Variants in BBS9 observed in about 807,000 individuals in gnomAD.
BBS9 encodes the protein protein PTHB1.
A neutral mutation model predicts 117.7 loss-of-function variants in BBS9; 89 were observed. That is an observed-to-expected ratio of 0.76 (90% CI 0.64 to 0.90). BBS9 has a LOEUF of 0.90. BBS9 is among the 40% of genes least tolerant of loss of function. The pLI, the probability that BBS9 is intolerant of heterozygous loss-of-function variation, is 0.00. For missense variants in BBS9, 982 were observed against 1,042.2 expected (o/e 0.94, Z 0.80); for synonymous variants, 379 against 370.9 (o/e 1.02, Z -0.25).
At chr7:33,205,560 G>A (rs1362908541) in intron 5 of BBS9, among the ~76,000 whole-genome samples, 2 of 152,070 alleles carry the variant, frequency 1.3e-5, no homozygotes, top group Non-Finnish European at 2.9e-5. Context: ...CTGACTTCAG[G>A]TACAAGGATA....
At chr7:33,137,396 A>T (rs2128066468) in intron 1 of BBS9, among the ~76,000 whole-genome samples, 1 of 152,254 alleles carries the variant, frequency 6.6e-6, no homozygotes, top group East Asian at 1.9e-4. Flanking sequence ...CCAGGAGCGC[A>T]GGGCTCCTGG....
intron 9 of BBS9, among the ~76,000 whole-genome samples, chr7:33,284,430 A>G (rs1802497798): frequency 6.6e-6 from 1 of 152,188 alleles, no homozygotes; most frequent in South Asian, 2.1e-4. Context: ...TGTTGTAGGT[A>G]ATCAGTTCTT....
At chr7:33,408,037 G>A in intron 19 of BBS9, among the ~76,000 whole-genome samples, 1 of 152,244 alleles carries the variant, frequency 6.6e-6, no homozygotes, top group Non-Finnish European at 1.5e-5. Flanking sequence ...CCTGCCCCCA[G>A]AGGTGGAGCC....
intron 19 of BBS9, among the ~76,000 whole-genome samples, chr7:33,491,914 G>A (rs778021349): frequency 8.6e-5 from 13 of 151,888 alleles, no homozygotes; most frequent in Non-Finnish European, 1.8e-4. Context: ...TAAAGGATAT[G>A]TTGGGCTGGG....
intron 19 of BBS9, among the ~76,000 whole-genome samples, chr7:33,470,814 C>T (rs922932796): frequency 1.3e-5 from 2 of 152,190 alleles, no homozygotes; most frequent in Admixed American, 6.5e-5. Flanking sequence ...GAGACCTGGG[C>T]AGCTAAATGG....
chr7:33,621,501 C>A (rs1046669465), intron 21 of BBS9, among the ~76,000 whole-genome samples: 7 of 152,098 alleles, frequency 4.6e-5, no homozygotes, highest in African/African-American at 7.2e-5. Context: ...TCACCTCACA[C>A]CTTTTAGAAT....
At chr7:33,617,308 A>G (rs1865189667) in intron 21 of BBS9, among the ~76,000 whole-genome samples, 1 of 152,146 alleles carries the variant, frequency 6.6e-6, no homozygotes, top group Admixed American at 6.6e-5. Context: ...CCATAACACT[A>G]ATCAAAAGAA....
intron 21 of BBS9, among the ~76,000 whole-genome samples, chr7:33,558,541 T>C (rs1221673951): frequency 6.6e-6 from 1 of 152,180 alleles, no homozygotes; most frequent in Non-Finnish European, 1.5e-5. Flanking sequence ...TAAGGTGGAC[T>C]GGGGCCAGAT....
rs951375247 is a variant in BBS9 at position 33,270,509 on chromosome 7, G to A, written c.703-2503G>A. Among the ~76,000 whole-genome samples the A allele has an allele frequency of 5.9e-5, 9 of 152,268 alleles. No homozygotes were observed. In the South Asian group the frequency reaches 1.9e-3, roughly 32 times the overall value. ...GCTGACAGACGAAATAGCCAGTATA[G>A]AAAGAACTTAACTGGACCTGATAAA... On this transcript the variant is annotated intron_variant, in intron 7 of 22. Transcript: ENST00000242067.
In BBS9 at chr7:33,423,069, G is replaced by C. The variant is rs77999818; in HGVS notation, c.2115+34925G>C. ...ACAGGCCAGGACAGTGATCATGAGT[G>C]CCAGGGATCGGAACACTTTGCTGAT... On this transcript the variant is annotated intron_variant, in intron 19 of 22. Coordinates refer to ENST00000242067, the MANE Select transcript of BBS9 (RefSeq NM_198428.3). Among the ~76,000 whole-genome samples the C allele has an allele frequency of 0.02, 2,997 of 152,224 alleles. 202 individuals are homozygous for C. In the East Asian group the frequency reaches 0.26, roughly 13 times the overall value.
intron 5 of BBS9, among the ~76,000 whole-genome samples, chr7:33,219,191 C>T (rs28435377): frequency 0.3 from 46,402 of 152,176 alleles, 7,562 homozygotes; most frequent in Admixed American, 0.43. Flanking sequence ...AATTTCTCAC[C>T]GGGCCTTAGC....
chr7:33,181,759 T>C (rs1350269511), intron 5 of BBS9, among the ~76,000 whole-genome samples: 1 of 152,204 alleles, frequency 6.6e-6, no homozygotes, highest in African/African-American at 2.4e-5. Context: ...CCACAACTTG[T>C]TCAAACCTTT....
In BBS9 at chr7:33,152,710, T is replaced by G. The variant is rs1381039813; in HGVS notation, c.122T>G (p.Ile41Ser). The G allele has an allele frequency of 2.1e-5, 34 of 1,612,768 alleles. No individual in the cohort carries two copies. Among genetic ancestry groups the G allele is most frequent in the Non-Finnish European group, 2.9e-5 (34 of 1,179,268 alleles). Residue 41 changes from isoleucine to serine, a missense_variant, in exon 3 of 23, where the codon ATT becomes AGT. By Grantham distance (142) the Ile-to-Ser change is moderately radical. Coordinates refer to ENST00000242067, the MANE Select transcript of BBS9 (RefSeq NM_198428.3). The stretch of plus-strand genomic sequence containing the variant: ...TTTAAATTCTCTACAGATAAAATAA[T>G]TGTGGGTAGCTTTATGGGATACCTA... ...DNSGNGQDKIIVGSFMGYLRI... is the reference protein window; with the variant it reads ...DNSGNGQDKISVGSFMGYLRI...
intron 19 of BBS9, among the ~76,000 whole-genome samples, chr7:33,450,874 TTTG>T (rs1837716426): frequency 7.3e-6 from 1 of 136,250 alleles, no homozygotes; most frequent in Non-Finnish European, 1.5e-5. Context: ...GTTTTTTTTT[TTTG>T]TTTTTTTGTT....
At chr7:33,352,949 G>T in intron 15 of BBS9, 76 bp downstream of exon 15, 1 of 1,456,340 alleles carries the variant, frequency 6.9e-7, no homozygotes, top group East Asian at 2.3e-5. Context: ...ATTATACCAT[G>T]AATGAACTCT....
chr7:33,192,606 A>G (rs1172610261), intron 5 of BBS9, among the ~76,000 whole-genome samples: 3 of 152,216 alleles, frequency 2.0e-5, no homozygotes, highest in Admixed American at 6.5e-5. Context: ...CTTTCGTTAC[A>G]TTAAACCTGA....
At chr7:33,296,951 T>G (rs1221690769) in intron 9 of BBS9, among the ~76,000 whole-genome samples, 1 of 152,186 alleles carries the variant, frequency 6.6e-6, no homozygotes, top group African/African-American at 2.4e-5. Flanking sequence ...GGAAAGTTTT[T>G]GTCTTTCTGT....
chr7:33,433,635 A>ACCCTCT (rs1834861317), intron 19 of BBS9, among the ~76,000 whole-genome samples: 2 of 152,074 alleles, frequency 1.3e-5, no homozygotes, highest in South Asian at 4.1e-4. Flanking sequence ...TATGTCAAGA[A>ACCCTCT]CCCTCTGGAT....
At chr7:33,233,197 C>A (rs561411829) in intron 5 of BBS9, among the ~76,000 whole-genome samples, 3 of 151,942 alleles carry the variant, frequency 2.0e-5, no homozygotes, top group African/African-American at 7.3e-5. Flanking sequence ...ATTGGTGATG[C>A]GAAAGTGTTA....
Sources: allele counts gnomAD v4.1 joint callset (sites outside exome capture counted in the v4.1 genomes callset), GRCh38; gene constraint gnomAD v4.1.1; transcripts MANE v1.5; gene names NCBI Gene and HGNC (gene_info 2026-07-23, HGNC 2026-07-21).